Variants in EXOC4 observed in about 807,000 individuals in gnomAD.
EXOC4 encodes the protein SEC8-like 1.
A neutral mutation model predicts 107.2 loss-of-function variants in EXOC4; 71 were observed. That is an observed-to-expected ratio of 0.66 (90% confidence interval 0.55 to 0.81). The LOEUF (loss-of-function observed/expected upper bound fraction) is 0.81. Among genes scored for constraint, EXOC4 ranks in the 30% least tolerant of loss-of-function variants. The pLI is 0.00. For missense variants in EXOC4, 1,108 were observed against 1,189.6 expected, an observed-to-expected ratio of 0.93 and a Z score of 1.01; for synonymous variants, 456 against 441.2, an observed-to-expected ratio of 1.03 and a Z score of -0.42.
intron 1 of EXOC4, among the ~76,000 whole-genome samples, chr7:133,269,222 A>G (rs1267439739): frequency 2.6e-5 from 4 of 152,182 alleles, no homozygotes; most frequent in Admixed American, 2.6e-4. Flanking sequence ...TGTTCTCTTT[A>G]CATATGAACT....
rs537588035 is a variant in EXOC4, at chr7:133,718,773, C to A, written c.1514+88632C>A. On this transcript the variant is annotated intron_variant, in intron 10 of 17. Coordinates refer to ENST00000253861, the MANE Select transcript of EXOC4 (RefSeq NM_021807.4). ...ATGGTGAATGTTTAGTAAACATTAGCTGAAAAGGAAGGATCCTCTGAGAAA... is the reference window on the plus strand; with the variant it reads ...ATGGTGAATGTTTAGTAAACATTAGATGAAAAGGAAGGATCCTCTGAGAAA... 2.0e-5 allele frequency among the ~76,000 whole-genome samples: 3 copies of A among 152,212 alleles called. No individual in the cohort carries two copies. In the East Asian group the frequency reaches 5.8e-4, roughly 29 times the overall value.
intron 9 of EXOC4, among the ~76,000 whole-genome samples, chr7:133,591,778 C>G (rs1206686155): frequency 6.6e-6 from 1 of 152,102 alleles, no homozygotes; most frequent in Non-Finnish European, 1.5e-5. Flanking sequence ...AAAGGTGACA[C>G]TTGGGTTTGT....
At chr7:133,876,811 TTTTTG>T (rs544997949) in intron 11 of EXOC4, among the ~76,000 whole-genome samples, 43 of 152,210 alleles carry the variant, frequency 2.8e-4, no homozygotes, top group South Asian at 1.0e-3. Flanking sequence ...CTTTCTTTCT[TTTTTG>T]TTTTGTTTTG....
At chr7:133,988,237 C>G (rs866233152) in intron 14 of EXOC4, among the ~76,000 whole-genome samples, 1 of 152,312 alleles carries the variant, frequency 6.6e-6, no homozygotes, top group Middle Eastern at 3.4e-3. Context: ...TTGCTTTAAA[C>G]TATATTTCTG....
intron 9 of EXOC4, among the ~76,000 whole-genome samples, chr7:133,513,577 G>C (rs562156343): frequency 1.3e-5 from 2 of 152,104 alleles, no homozygotes; most frequent in Non-Finnish European, 2.9e-5. Flanking sequence ...CCAGTATCCT[G>C]TCTTTTTGTG....
intron 5 of EXOC4, among the ~76,000 whole-genome samples, chr7:133,335,369 C>T (rs1313826016): frequency 6.6e-6 from 1 of 152,142 alleles, no homozygotes; most frequent in Non-Finnish European, 1.5e-5. Context: ...TTGTCCACCT[C>T]CACCAACCCC....
Position 133,694,217 on chromosome 7 carries a change from C to T in EXOC4, c.1514+64076C>T, listed in dbSNP as rs370766553. ...CAGAGATTACAGTGAGCCGAGATCA[C>T]GCTGATGTACTCCAGCCTGGCAACA... On this transcript the variant is annotated intron_variant, in intron 10 of 17. Coordinates refer to ENST00000253861, the MANE Select transcript of EXOC4 (RefSeq NM_021807.4). Among the ~76,000 whole-genome samples, 10 of 148,862 alleles carry T rather than the reference C, an allele frequency of 6.7e-5. 1 individual carries two copies. Among genetic ancestry groups the T allele is most frequent in the South Asian group, 4.2e-4 (2 of 4,724 alleles).
intron 7 of EXOC4, among the ~76,000 whole-genome samples, chr7:133,410,317 A>G (rs1304337912): frequency 2.0e-5 from 3 of 152,222 alleles, no homozygotes; most frequent in Non-Finnish European, 4.4e-5. Context: ...GCATTACATT[A>G]GGGAAATTAA....
intron 10 of EXOC4, among the ~76,000 whole-genome samples, chr7:133,784,504 G>T (rs918633467): frequency 1.3e-5 from 2 of 152,110 alleles, no homozygotes; most frequent in Non-Finnish European, 2.9e-5. Flanking sequence ...TCTGGGGTCC[G>T]TTCTTCTTGT....
chr7:133,447,592 T>G (rs1243080329), intron 7 of EXOC4, among the ~76,000 whole-genome samples: 1 of 152,072 alleles, frequency 6.6e-6, no homozygotes, highest in Non-Finnish European at 1.5e-5. Context: ...AAATTCTATG[T>G]GCTTATTTAA....
At chr7:134,057,684 A>T (rs4731996) in intron 17 of EXOC4, among the ~76,000 whole-genome samples, 1 of 151,948 alleles carries the variant, frequency 6.6e-6, no homozygotes, top group African/African-American at 2.4e-5. Flanking sequence ...AGTGTTTTCA[A>T]GTCAATTGCT....
chr7:133,610,164 G>A (rs1343072134), intron 9 of EXOC4, among the ~76,000 whole-genome samples: 1 of 152,172 alleles, frequency 6.6e-6, no homozygotes, highest in Non-Finnish European at 1.5e-5. Context: ...ATTCTTTAGG[G>A]AAGTTGACAC....
intron 7 of EXOC4, among the ~76,000 whole-genome samples, chr7:133,378,134 C>A (rs1341491215): frequency 6.6e-6 from 1 of 151,726 alleles, no homozygotes; most frequent in Non-Finnish European, 1.5e-5. Flanking sequence ...GATGGTGAAA[C>A]CCTGTCTCTA....
chr7:133,442,486 T>C (rs1227183229), intron 7 of EXOC4, among the ~76,000 whole-genome samples: 1 of 152,130 alleles, frequency 6.6e-6, no homozygotes, highest in East Asian at 1.9e-4. Context: ...TAAGTAGTGA[T>C]GGTATGCTGT....
chr7:133,633,654 G>GTCCC (rs1802640990), intron 10 of EXOC4, among the ~76,000 whole-genome samples: 6 of 151,804 alleles, frequency 4.0e-5, no homozygotes, highest in Admixed American at 3.9e-4. Context: ...GGAGGCGGAG[G>GTCCC]TTGCAGTGAG....
chr7:133,838,016 T>C (rs908057183), intron 11 of EXOC4, among the ~76,000 whole-genome samples: 1 of 152,178 alleles, frequency 6.6e-6, no homozygotes, highest in Non-Finnish European at 1.5e-5. Flanking sequence ...AAATAACACA[T>C]GATAAAATAG....
chr7:133,432,805 T>G (rs1797885502), intron 7 of EXOC4, among the ~76,000 whole-genome samples: 2 of 152,244 alleles, frequency 1.3e-5, no homozygotes. Flanking sequence ...TTCTTTGTAA[T>G]TCTGCTGTCT....
downstream of EXOC4, among the ~76,000 whole-genome samples, chr7:134,069,306 TCCTTTCTTCCTTCTCCC>T: frequency 3.7e-5 from 2 of 53,922 alleles, no homozygotes; most frequent in South Asian, 5.4e-4. Flanking sequence ...CTCCTCCTCC[TCCTTTCTTCCTTCTCCC>T]CCTCCTTCTC....
At chr7:133,660,454 C>A (rs12707114) in intron 10 of EXOC4, among the ~76,000 whole-genome samples, 1 of 151,840 alleles carries the variant, frequency 6.6e-6, no homozygotes, top group African/African-American at 2.4e-5. Flanking sequence ...GTGCCTACCC[C>A]TCTAAGGTAT....
Sources: allele counts gnomAD v4.1 joint callset (sites outside exome capture counted in the v4.1 genomes callset), GRCh38; gene constraint gnomAD v4.1.1; transcripts MANE v1.5; gene names NCBI Gene and HGNC (gene_info 2026-07-23, HGNC 2026-07-21).